The following SLC30A7 variants were observed in gnomAD, a reference collection of about 807,000 sequenced individuals.
SLC30A7 encodes zinc transporter 7.
SLC30A7 carries 35 observed loss-of-function variants against 46.0 expected under a neutral mutation model. The observed-to-expected ratio is 0.76, with a 90% confidence interval of 0.58 to 1.01. The LOEUF (loss-of-function observed/expected upper bound fraction) is 1.01, where lower values mean the gene tolerates loss of function less well. SLC30A7 is among the 50% of genes least tolerant of loss of function. The pLI is 0.00. For missense variants in SLC30A7, 464 were observed against 451.1 expected, an observed-to-expected ratio of 1.03 and a Z score of -0.26; for synonymous variants, 147 against 157.8, an observed-to-expected ratio of 0.93 and a Z score of 0.51.
chr1:100,915,179 T>TTTTCTTTTC (rs1455824443), intron 6 of SLC30A7, among the ~76,000 whole-genome samples: 2 of 80,786 alleles, frequency 2.5e-5, no homozygotes, highest in Admixed American at 2.3e-4. Flanking sequence ...TTCTTTTTTC[T>TTTTCTTTTC]TTTCTTTTCT....
chr1:100,988,702 C>T, the SLC30A7 span, among the ~76,000 whole-genome samples: 3 of 151,728 alleles, frequency 2.0e-5, no homozygotes, highest in Non-Finnish European at 2.9e-5. Context: ...CACAAAATAG[C>T]CAGGTGTGGT....
intron 8 of SLC30A7, among the ~76,000 whole-genome samples, chr1:100,938,959 C>G (rs2101054373): frequency 6.6e-6 from 1 of 152,254 alleles, no homozygotes; most frequent in South Asian, 2.1e-4. Context: ...CAGCCCATCC[C>G]CCACTCCCTC....
At position 100,975,860 on chromosome 1, in the gene SLC30A7, A is replaced by C. The variant is rs1291063462; in HGVS notation, c.*1003A>C. On this transcript the variant is annotated 3_prime_UTR_variant, in exon 11 of 11. Coordinates refer to ENST00000357650, the MANE Select transcript of SLC30A7 (RefSeq NM_133496.5). ...TTTTTTTTTTTTTTTTTTTTTAACA[A>C]TGGATATTCTGTAAAATATCCTGTA... The C allele has an allele frequency of 1.4e-5, 2 of 142,134 alleles. No homozygotes were observed. The highest frequency in any genetic ancestry group is 2.7e-5 in the African/African-American group (1 of 37,592). 8.8% of individuals were successfully genotyped at this position (142,134 alleles called of 1,614,324 possible).
In SLC30A7 at chr1:100,965,973, A is replaced by C. The variant is rs1655836613; in HGVS notation, c.1083+55A>C. Reference sequence around the variant, plus strand: ...GGCCTTAACATTTTTTATAACTAGTAGTTTTAAAAATATTTACAAGGCCAA... The same window carrying C: ...GGCCTTAACATTTTTTATAACTAGTCGTTTTAAAAATATTTACAAGGCCAA... On this transcript the variant is annotated intron_variant, in intron 10 of 10. Coordinates refer to ENST00000357650, the MANE Select transcript of SLC30A7 (RefSeq NM_133496.5). The C allele has an allele frequency of 2.7e-6, 4 of 1,482,206 alleles. No homozygotes were observed. In the Admixed American group the frequency reaches 8.2e-5, roughly 30 times the overall value. 91.8% of individuals were successfully genotyped at this position (1,482,206 alleles called of 1,614,324 possible).
Position 100,912,288 on chromosome 1 carries a change from C to A in SLC30A7, c.511+50C>A, listed in dbSNP as rs79189562. 18 of 1,584,872 alleles carry A rather than the reference C, an allele frequency of 1.1e-5. No individual in the cohort carries two copies. In the East Asian group the frequency reaches 4.1e-4, roughly 36 times the overall value. On this transcript the variant is annotated intron_variant, in intron 5 of 10. Coordinates refer to ENST00000357650, the MANE Select transcript of SLC30A7 (RefSeq NM_133496.5). ...TCTTCATTTTCTACTAGGTTTCTGT[C>A]ATAATTATTTACTTGAGAGAATTAA...
chr1:100,922,873 G>A (rs1653032105), intron 8 of SLC30A7, among the ~76,000 whole-genome samples: 1 of 151,830 alleles, frequency 6.6e-6, no homozygotes, highest in Non-Finnish European at 1.5e-5. Flanking sequence ...CATATACACT[G>A]TATATGTCTT....
downstream of SLC30A7, among the ~76,000 whole-genome samples, chr1:100,982,269 C>A (rs951849100): frequency 1.3e-5 from 2 of 152,214 alleles, no homozygotes; most frequent in Admixed American, 1.3e-4. Context: ...AGGCTTTATC[C>A]TCAGCATGTC....
chr1:100,990,612 A>C, the SLC30A7 span: 1 of 1,614,096 alleles, frequency 6.2e-7, no homozygotes. Flanking sequence ...AGCCAACACA[A>C]AGTGTCTCCT....
chr1:100,941,861 A>G, intron 8 of SLC30A7: 1 of 483,730 alleles, frequency 2.1e-6, no homozygotes. Flanking sequence ...CCATTACCAC[A>G]CACTCTGTGA....
intron 8 of SLC30A7, among the ~76,000 whole-genome samples, chr1:100,927,117 T>C (rs571269266): frequency 1.3e-4 from 20 of 152,280 alleles, no homozygotes; most frequent in African/African-American, 4.8e-4. Context: ...TTTATATATC[T>C]GCATCTCTAG....
At chr1:100,968,077 G>A (rs892166477) in intron 10 of SLC30A7, among the ~76,000 whole-genome samples, 1 of 152,178 alleles carries the variant, frequency 6.6e-6, no homozygotes, top group East Asian at 1.9e-4. Context: ...TATGTAGAGA[G>A]ATGAAGCAAA....
At chr1:100,982,666 C>T (rs1657010744), downstream of SLC30A7, among the ~76,000 whole-genome samples, 1 of 152,200 alleles carries the variant, frequency 6.6e-6, no homozygotes, top group South Asian at 2.1e-4. Context: ...AGCAGAATCA[C>T]TTTCCTTGCC....
intron 8 of SLC30A7, among the ~76,000 whole-genome samples, chr1:100,953,656 A>G (rs1222239679): frequency 6.6e-6 from 1 of 152,264 alleles, no homozygotes; most frequent in East Asian, 1.9e-4. Context: ...TACAAATGTT[A>G]CCATATTTAA....
At position 100,965,773 on chromosome 1, in the gene SLC30A7, A is replaced by G; in HGVS notation, c.938A>G (p.Gln313Arg). 6.2e-7 allele frequency: 1 copy of G among 1,613,280 alleles called. No individual in the cohort carries two copies. Among genetic ancestry groups the G allele is most frequent in the Non-Finnish European group, 8.5e-7 (1 of 1,179,282 alleles). Residue 313 changes from glutamine (Q) to arginine (R), a missense_variant, in exon 10 of 11, where the codon CAG becomes CGG. Transcript: ENST00000357650. ...NSLPQCYQRV[Q>R]QLQGVYSLQE... ...TATCTCTCCTTTATATTTCAGGTAC[A>G]GCAGTTGCAAGGAGTTTACAGTTTA...
chr1:100,927,126 A>G (rs764854179), intron 8 of SLC30A7, among the ~76,000 whole-genome samples: 1 of 152,182 alleles, frequency 6.6e-6, no homozygotes. Flanking sequence ...CTGCATCTCT[A>G]GAGTTCAGGG....
At chr1:100,917,309 T>C (rs1652632210) in intron 6 of SLC30A7, among the ~76,000 whole-genome samples, 1 of 152,224 alleles carries the variant, frequency 6.6e-6, no homozygotes, top group African/African-American at 2.4e-5. Flanking sequence ...TATGCTTTTA[T>C]ATTTCTTTGT....
chr1:100,995,096 G>T, the SLC30A7 span: 1 of 1,557,688 alleles, frequency 6.4e-7, no homozygotes, highest in Non-Finnish European at 8.8e-7. Flanking sequence ...TGCATTCTCA[G>T]AATAATAACT....
chr1:100,908,346 T>C (rs1651831090), intron 3 of SLC30A7, among the ~76,000 whole-genome samples: 1 of 152,208 alleles, frequency 6.6e-6, no homozygotes, highest in Non-Finnish European at 1.5e-5. Flanking sequence ...GTTCTAATGA[T>C]GTAAAAATGA....
At chr1:100,940,228 A>G (rs931115897) in intron 8 of SLC30A7, among the ~76,000 whole-genome samples, 2 of 152,192 alleles carry the variant, frequency 1.3e-5, no homozygotes, top group African/African-American at 2.4e-5. Flanking sequence ...AGATAAATTT[A>G]GAGCTCTATG....
Sources: allele counts gnomAD v4.1 joint callset (sites outside exome capture counted in the v4.1 genomes callset), GRCh38; gene constraint gnomAD v4.1.1; transcripts MANE v1.5; gene names NCBI Gene and HGNC (gene_info 2026-07-23, HGNC 2026-07-21).